Variants in NLGN1 observed in about 807,000 individuals in gnomAD.
The protein encoded by NLGN1 is neuroligin 1, also known as neuroligin-1.
In NLGN1, 12 loss-of-function variants were observed where a neutral mutation model predicts 65.5. That is an observed-to-expected ratio of 0.18 (90% CI 0.12 to 0.30). NLGN1 has a LOEUF of 0.30. Ranked by LOEUF, NLGN1 falls within the 10% of genes least tolerant of loss-of-function variation. The pLI is 1.00. For missense variants in NLGN1, 750 were observed against 1,007.1 expected, an observed-to-expected ratio of 0.74 and a Z score of 3.46; for synonymous variants, 350 against 359.5, an observed-to-expected ratio of 0.97 and a Z score of 0.30.
intron 3 of NLGN1, among the ~76,000 whole-genome samples, chr3:173,765,686 T>C (rs1222003305): frequency 6.6e-6 from 1 of 152,136 alleles, no homozygotes; most frequent in East Asian, 1.9e-4. Flanking sequence ...TTCTGGGATT[T>C]TGGAATGACC....
At chr3:173,602,805 A>G (rs1036973343) in intron 2 of NLGN1, among the ~76,000 whole-genome samples, 2 of 152,132 alleles carry the variant, frequency 1.3e-5, no homozygotes, top group Non-Finnish European at 2.9e-5. Flanking sequence ...ATGATGCTGC[A>G]GAAGAGTCAG....
intron 4 of NLGN1, among the ~76,000 whole-genome samples, chr3:174,121,598 T>A (rs544059883): frequency 6.6e-6 from 1 of 152,302 alleles, no homozygotes; most frequent in Non-Finnish European, 1.5e-5. Flanking sequence ...AAAATAATAT[T>A]TGCTCCATAG....
At chr3:174,256,223 G>C (rs994228725) in intron 4 of NLGN1, among the ~76,000 whole-genome samples, 11 of 152,124 alleles carry the variant, frequency 7.2e-5, no homozygotes, top group African/African-American at 2.4e-4. Flanking sequence ...GATATACTCT[G>C]TTTATTCAGG....
intron 2 of NLGN1, among the ~76,000 whole-genome samples, chr3:173,532,960 C>T (rs1736838642): frequency 6.6e-6 from 1 of 152,126 alleles, no homozygotes; most frequent in African/African-American, 2.4e-5. Flanking sequence ...CTCTAGGGAT[C>T]TTGCATTAAA....
rs71162356 is a variant in NLGN1 at position 173,734,381 on chromosome 3, A to ATTT, written c.494-73269_494-73267dup. On this transcript the variant is annotated intron_variant, in intron 3 of 6. Coordinates refer to ENST00000457714, the Ensembl canonical transcript of NLGN1. The stretch of plus-strand genomic sequence containing the variant: ...ATAATTAGATTCTGTGGATAATTCT[A>ATTT]TTTTTTTTTTTTTTTTTTTTTTTTT... Among the ~76,000 whole-genome samples the ATTT allele has an allele frequency of 3.3e-3, 133 of 40,066 alleles. 4 individuals carry two copies. Among genetic ancestry groups the ATTT allele is most frequent in the African/African-American group, 7.8e-3 (71 of 9,128 alleles). 26.3% of individuals were successfully genotyped at this position (40,066 alleles called of 152,430 possible). A position where few individuals can be genotyped will look rare whatever the true frequency, so the allele number is the denominator to read the frequency against.
intron 4 of NLGN1, among the ~76,000 whole-genome samples, chr3:174,030,404 G>A (rs563692843): frequency 1.1e-4 from 16 of 152,270 alleles, no homozygotes; most frequent in Admixed American, 3.9e-4. Context: ...GATTCCAGAT[G>A]TGAGCCACCT....
At chr3:173,470,810 C>G (rs1335567063) in intron 2 of NLGN1, among the ~76,000 whole-genome samples, 4 of 152,020 alleles carry the variant, frequency 2.6e-5, no homozygotes, top group African/African-American at 9.7e-5. Flanking sequence ...TGATGAAAAC[C>G]CTTGTTTATT....
chr3:174,129,849 C>G (rs561038272), intron 4 of NLGN1, among the ~76,000 whole-genome samples: 1 of 152,354 alleles, frequency 6.6e-6, no homozygotes, highest in East Asian at 1.9e-4. Flanking sequence ...TTTTCACCCT[C>G]TGATCTAACA....
chr3:173,836,965 C>T (rs910989422), intron 4 of NLGN1, among the ~76,000 whole-genome samples: 1 of 152,106 alleles, frequency 6.6e-6, no homozygotes, highest in East Asian at 1.9e-4. Flanking sequence ...TATTGATCTA[C>T]TGGGTAACAT....
intron 3 of NLGN1, among the ~76,000 whole-genome samples, chr3:173,621,733 G>T (rs1404828728): frequency 1.3e-5 from 2 of 152,036 alleles, no homozygotes; most frequent in East Asian, 1.9e-4. Flanking sequence ...ATATGGGGGT[G>T]GACAGTGAAC....
intron 3 of NLGN1, among the ~76,000 whole-genome samples, chr3:173,621,157 A>C (rs1005628610): frequency 6.6e-6 from 1 of 152,182 alleles, no homozygotes; most frequent in African/African-American, 2.4e-5. Flanking sequence ...GATTACAAAT[A>C]ATCAAATATG....
At chr3:173,786,921 C>CA (rs1489373728) in intron 3 of NLGN1, among the ~76,000 whole-genome samples, 1 of 151,818 alleles carries the variant, frequency 6.6e-6, no homozygotes, top group Non-Finnish European at 1.5e-5. Flanking sequence ...ACTAAAAATA[C>CA]AAAAAAGTAG....
intron 4 of NLGN1, among the ~76,000 whole-genome samples, chr3:174,244,109 A>G (rs1485179706): frequency 6.6e-6 from 1 of 152,202 alleles, no homozygotes; most frequent in Non-Finnish European, 1.5e-5. Flanking sequence ...ATAAATGTGG[A>G]TTTCTTTATA....
intron 3 of NLGN1, among the ~76,000 whole-genome samples, chr3:173,620,095 G>A (rs555654330): frequency 1.3e-5 from 2 of 152,222 alleles, no homozygotes; most frequent in South Asian, 4.1e-4. Context: ...TTAAGTAAAG[G>A]CTTGACATAA....
intron 3 of NLGN1, among the ~76,000 whole-genome samples, chr3:173,778,148 A>T (rs977634464): frequency 1.1e-4 from 16 of 151,848 alleles, no homozygotes; most frequent in Admixed American, 8.5e-4. Flanking sequence ...CAATTTCTTT[A>T]GTGTCTGTTT....
intron 2 of NLGN1, among the ~76,000 whole-genome samples, chr3:173,554,016 A>G (rs1460378144): frequency 6.6e-6 from 1 of 152,180 alleles, no homozygotes; most frequent in Non-Finnish European, 1.5e-5. Flanking sequence ...AACTTGTTTG[A>G]TTCTTGGACA....
In NLGN1 at chr3:174,003,918, G is replaced by C. The variant is rs565458229; in HGVS notation, c.646+196086G>C. On this transcript the variant is annotated intron_variant, in intron 4 of 6. Transcript: ENST00000457714. Reference sequence around the variant, plus strand: ...ATATGTAACGCATTTAATCAGATTTGTTTGATGAAAGCGTACTCTATAGTG... The same window carrying C: ...ATATGTAACGCATTTAATCAGATTTCTTTGATGAAAGCGTACTCTATAGTG... 4.6e-5 allele frequency among the ~76,000 whole-genome samples: 7 copies of C among 152,216 alleles called. No homozygotes were observed. In the East Asian group the frequency reaches 1.3e-3, roughly 29 times the overall value.
At chr3:173,838,251 A>T (rs1724052794) in intron 4 of NLGN1, among the ~76,000 whole-genome samples, 1 of 152,186 alleles carries the variant, frequency 6.6e-6, no homozygotes, top group South Asian at 2.1e-4. Context: ...CTACTGTATA[A>T]AAAGAACATT....
chr3:173,576,167 T>G (rs773518960), intron 2 of NLGN1, among the ~76,000 whole-genome samples: 6 of 152,258 alleles, frequency 3.9e-5, no homozygotes, highest in Non-Finnish European at 5.9e-5. Context: ...CTACATATAA[T>G]ACAGTATTAA....
Sources: gnomAD v4.1 joint callset for allele counts (sites outside exome capture counted in the v4.1 genomes callset) on GRCh38, gnomAD v4.1.1 for gene constraint, MANE v1.5 for transcripts, NCBI Gene and HGNC (gene_info 2026-07-23, HGNC 2026-07-21) for gene names.